Variants in ATR observed in about 807,000 individuals in gnomAD.
ATR encodes the protein ATR checkpoint kinase, also known as serine/threonine-protein kinase ATR.
ATR carries 142 observed loss-of-function variants against 305.3 expected under a neutral mutation model. That is an observed-to-expected ratio of 0.47 (90% confidence interval 0.41 to 0.53). ATR has a LOEUF of 0.53. Among genes scored for constraint, ATR ranks in the 20% least tolerant of loss-of-function variants. The pLI, the probability that ATR is intolerant of heterozygous loss-of-function variation, is 0.00. For synonymous variants in ATR, 1,050 were observed against 1,068.1 expected (o/e 0.98, Z 0.33); for missense variants, 2,135 against 3,133.1 (o/e 0.68, Z 7.60).
intron 37 of ATR, 79 bp from the exon 38 acceptor site, chr3:142,469,648 T>C (rs765872299): frequency 7.7e-7 from 1 of 1,305,318 alleles, no homozygotes; most frequent in Non-Finnish European, 1.1e-6. Context: ...AGAAGAAAAA[T>C]TTTGCTTTAA....
chr3:142,522,631 G>A (rs1470767567), intron 23 of ATR, 97 bp downstream of exon 23: 4 of 1,038,900 alleles, frequency 3.9e-6, no homozygotes, highest in Non-Finnish European at 6.0e-6. Flanking sequence ...ATAAAAGTGA[G>A]AATTAAAACA....
At chr3:142,529,543 C>G (rs1469896802) in intron 21 of ATR, among the ~76,000 whole-genome samples, 1 of 152,110 alleles carries the variant, frequency 6.6e-6, no homozygotes, top group Non-Finnish European at 1.5e-5. Context: ...AGACCTTTTG[C>G]CAAAGTCTGC....
chr3:142,529,515 A>G (rs2033554715), intron 21 of ATR, among the ~76,000 whole-genome samples: 2 of 152,230 alleles, frequency 1.3e-5, no homozygotes, highest in Admixed American at 6.5e-5. Context: ...TTCGTTAAAT[A>G]CATAAACAGT....
intron 46 of ATR, chr3:142,451,426 A>G (rs1473168551): frequency 2.0e-6 from 3 of 1,490,136 alleles, no homozygotes; most frequent in African/African-American, 1.4e-5. Context: ...ATTTTTCTTC[A>G]TGGCCCTGAT....
At chr3:142,554,140 A>G in intron 10 of ATR, 125 bp from the exon 11 acceptor site, 3 of 782,198 alleles carry the variant, frequency 3.8e-6, no homozygotes, top group Non-Finnish European at 5.9e-6. Flanking sequence ...TCAATGTTTC[A>G]TATTTAAGTA....
Position 142,508,162 on chromosome 3 carries a change from AGT to A in ATR, c.4853-55_4853-54del, listed in dbSNP as rs1452343506. The A allele has an allele frequency of 2.0e-6, 3 of 1,476,174 alleles. No homozygotes were observed. The African/African-American group carries it at 4.3e-5, about 21-fold the overall frequency. 91.4% of individuals were successfully genotyped at this position (1,476,174 alleles called of 1,614,324 possible). A position where few individuals can be genotyped will look rare whatever the true frequency, so the allele number is the denominator to read the frequency against. ...AAAGACTTATAAGATAAAATTTAAA[AGT>A]GTCAATTTAAGTATTTAAGTTCAAT... is the stretch of plus-strand genomic sequence containing the variant. On this transcript the variant is annotated intron_variant, in intron 27 of 46. Transcript: ENST00000350721.
chr3:142,531,921 T>C lies in ATR; in HGVS notation c.3945+3159A>G, dbSNP rs567023652. On this transcript the variant is annotated intron_variant, in intron 21 of 46. Coordinates refer to ENST00000350721, the MANE Select transcript of ATR (RefSeq NM_001184.4). ...CCCACATCCTCTCCAGCACCTGTTG[T>C]TTCCTGACTTTTTAATGATCACCAT... Among the ~76,000 whole-genome samples the C allele has an allele frequency of 7.9e-4, 121 of 152,370 alleles. 1 individual carries two copies. Among genetic ancestry groups the C allele is most frequent in the African/African-American group, 2.8e-3 (117 of 41,592 alleles).
intron 26 of ATR, 42 bp downstream of exon 26, chr3:142,513,459 A>C: frequency 6.2e-7 from 1 of 1,602,674 alleles, no homozygotes; most frequent in Non-Finnish European, 8.5e-7. Flanking sequence ...GGAGAAAGTA[A>C]GTTTCACATG....
Position 142,462,073 on chromosome 3 carries a change from T to C in ATR, c.7059A>G (p.Ala2353=), listed in dbSNP as rs2108266276. The change falls in exon 42 of 47, where the codon GCA becomes GCG. Residue 2353 remains alanine (A), a synonymous_variant. Coordinates refer to ENST00000350721, the MANE Select transcript of ATR (RefSeq NM_001184.4). The part of the protein sequence containing the change: ...SLINKCLRKD[A]ESRRRELHIR... ...TATGAAGTTCTCTTCTACGAGACTC[T>C]GCATCTTTTCTTAAGCACTGTTAAA... 6.2e-7 allele frequency: 1 copy of C among 1,612,582 alleles called. No individual in the cohort carries two copies.
rs999461809 is a variant in ATR at position 142,522,746 on chromosome 3, T to C, written c.4248A>G (p.Ser1416=). Residue 1416 remains serine (S), a synonymous_variant, in exon 23 of 47, where the codon TCA becomes TCG. Transcript: ENST00000350721. The stretch of plus-strand genomic sequence containing the variant: ...CTCTTACCTGAATGGCATAGGCAGC[T>C]GAATCTTGAGCTCGGCTATTATCAG... ...AYADNSRAQD[S]AAYAIQELLS... is the part of the protein sequence containing the mutation. 1 of 1,613,148 alleles carries C rather than the reference T, an allele frequency of 6.2e-7. No individual in the cohort carries two copies. The highest frequency in any genetic ancestry group is 1.3e-5 in the African/African-American group (1 of 74,876).
rs377263877 is a variant in ATR, at chr3:142,496,278, CT to C, written c.5898+82del. On this transcript the variant is annotated intron_variant, in intron 34 of 46. Transcript: ENST00000350721. Reference sequence around the variant, plus strand: ...TTTTAAGGAAGTACATAATTCCCGACTATATATATATATATATATATATATA... The same window carrying C: ...TTTTAAGGAAGTACATAATTCCCGACATATATATATATATATATATATATA... 51,278 of 115,172 alleles carry C rather than the reference CT, an allele frequency of 0.45. 18,249 individuals are homozygous for C. The highest frequency in any genetic ancestry group is 0.71 in the African/African-American group (13,619 of 19,082). 7.1% of individuals were successfully genotyped at this position (115,172 alleles called of 1,614,324 possible). A position where few individuals can be genotyped will look rare whatever the true frequency, so the allele number is the denominator to read the frequency against.
intron 34 of ATR, among the ~76,000 whole-genome samples, chr3:142,494,554 T>C (rs1169311728): frequency 1.3e-5 from 2 of 151,946 alleles, no homozygotes; most frequent in African/African-American, 4.8e-5. Flanking sequence ...ACGAAGAAAA[T>C]TTGAATTAGG....
At chr3:142,473,192 T>G (rs901573491) in intron 36 of ATR, among the ~76,000 whole-genome samples, 1 of 152,204 alleles carries the variant, frequency 6.6e-6, no homozygotes, top group South Asian at 2.1e-4. Flanking sequence ...GCCATGAACC[T>G]TTTCCTCTAT....
intron 31 of ATR, 53 bp downstream of exon 31, chr3:142,499,574 G>C: frequency 1.9e-6 from 3 of 1,545,654 alleles, no homozygotes; most frequent in Middle Eastern, 1.7e-4. Context: ...GATTACAGGC[G>C]TGAGCCACCG....
chr3:142,492,114 A>C (rs2031316816), intron 35 of ATR, among the ~76,000 whole-genome samples: 1 of 152,194 alleles, frequency 6.6e-6, no homozygotes, highest in South Asian at 2.1e-4. Context: ...AGATCAGTGT[A>C]ATCATCTTAA....
chr3:142,457,907 G>A (rs1029175516), intron 44 of ATR, 152 bp from the exon 45 acceptor site: 1 of 829,402 alleles, frequency 1.2e-6, no homozygotes, highest in Non-Finnish European at 1.9e-6. Flanking sequence ...TAACATGAAG[G>A]AGCCATGTAG....
intron 31 of ATR, 39 bp downstream of exon 31, chr3:142,499,588 C>G: frequency 6.3e-7 from 1 of 1,589,970 alleles, no homozygotes; most frequent in South Asian, 1.1e-5. Flanking sequence ...GCCACCGCAC[C>G]CATCCTAAAA....
intron 5 of ATR, among the ~76,000 whole-genome samples, chr3:142,560,777 A>G (rs2034850936): frequency 6.6e-6 from 1 of 152,048 alleles, no homozygotes; most frequent in Non-Finnish European, 1.5e-5. Flanking sequence ...AGCCAGGATG[A>G]TCTCGATCTT....
In ATR at chr3:142,468,086, T is replaced by G. The variant is rs1354595205; in HGVS notation, c.6553-18A>C. On this transcript the variant is annotated intron_variant, in intron 38 of 46. Coordinates refer to ENST00000350721, the MANE Select transcript of ATR (RefSeq NM_001184.4). ...TAAGATGACTGTCATAAAAAAGAGT[T>G]AAATGTCATAAAAAAGAGTTTATAC... 6.2e-7 allele frequency: 1 copy of G among 1,610,088 alleles called. No individual in the cohort carries two copies. The highest frequency in any genetic ancestry group is 8.5e-7 in the Non-Finnish European group (1 of 1,178,640).
Sources: allele counts gnomAD v4.1 joint callset (sites outside exome capture counted in the v4.1 genomes callset), GRCh38; gene constraint gnomAD v4.1.1; transcripts MANE v1.5; gene names NCBI Gene and HGNC (gene_info 2026-07-23, HGNC 2026-07-21).